Variants in ETS1 observed in about 807,000 individuals in gnomAD.
ETS1 encodes ETS proto-oncogene 1, transcription factor, also known as protein C-ets-1.
A neutral mutation model predicts 58.6 loss-of-function variants in ETS1; 15 were observed. The observed-to-expected ratio is 0.26, with a 90% CI of 0.17 to 0.39. The LOEUF is 0.39. Ranked by LOEUF, ETS1 falls within the 10% of genes least tolerant of loss-of-function variation. The pLI is 1.00. For missense variants in ETS1, 417 were observed against 610.5 expected (o/e 0.68, Z 3.34); for synonymous variants, 214 against 218.2 (o/e 0.98, Z 0.17).
chr11:128,491,974 G>A (rs948406950), intron 3 of ETS1, among the ~76,000 whole-genome samples: 4 of 152,198 alleles, frequency 2.6e-5, no homozygotes, highest in Non-Finnish European at 5.9e-5. Context: ...CATAAATACA[G>A]CTGAACGTAA....
chr11:128,586,669 G>T (rs1247414677), intron 1 of ETS1, among the ~76,000 whole-genome samples: 1 of 152,176 alleles, frequency 6.6e-6, no homozygotes, highest in South Asian at 2.1e-4. Context: ...TCCTGCAATA[G>T]AATGCATTGA....
At chr11:128,579,679 A>G (rs986438332) in intron 1 of ETS1, among the ~76,000 whole-genome samples, 1 of 150,988 alleles carries the variant, frequency 6.6e-6, no homozygotes, top group Non-Finnish European at 1.5e-5. Flanking sequence ...AAAAAAAAAG[A>G]ATTTGGTGTC....
chr11:128,534,891 G>T (rs193203807), intron 3 of ETS1, among the ~76,000 whole-genome samples: 27 of 152,144 alleles, frequency 1.8e-4, no homozygotes, highest in African/African-American at 5.8e-4. Flanking sequence ...GAACATACGC[G>T]TGCATGTTAT....
chr11:128,484,771 G>C, intron 7 of ETS1, 52 bp downstream of exon 7: 2 of 1,541,102 alleles, frequency 1.3e-6, no homozygotes, highest in Non-Finnish European at 1.8e-6. Context: ...AACTCACAAA[G>C]TCAGGTAATT....
At chr11:128,570,231 T>C (rs1287412405) in intron 2 of ETS1, among the ~76,000 whole-genome samples, 2 of 147,816 alleles carry the variant, frequency 1.4e-5, no homozygotes, top group African/African-American at 4.9e-5. Flanking sequence ...TCTTTCTTTT[T>C]CTTTTCCTTT....
At chr11:128,568,255 A>T (rs1235048586) in intron 2 of ETS1, among the ~76,000 whole-genome samples, 1 of 152,118 alleles carries the variant, frequency 6.6e-6, no homozygotes, top group Non-Finnish European at 1.5e-5. Context: ...CTTGCCGGTG[A>T]GACATCCCAG....
At position 128,585,158 on chromosome 11, in the gene ETS1, AAGAAAGAAAG is replaced by A. The variant is rs1275012291; in HGVS notation, c.-15+2320_-15+2329del. On this transcript the variant is annotated intron_variant, in intron 1 of 9. Transcript: ENST00000392668. ...AAGAAAAGAAAGAAAGAAAGAAAGA[AAGAAAGAAAG>A]AGAAAGAAAGAAAGAAAGAAGGAAG... is the stretch of plus-strand genomic sequence containing the variant. Among the ~76,000 whole-genome samples, 161 of 49,632 alleles carry A rather than the reference AAGAAAGAAAG, an allele frequency of 3.2e-3. 17 individuals are homozygous for A. Among genetic ancestry groups the A allele is most frequent in the African/African-American group, 7.6e-3 (71 of 9,364 alleles). The allele number at this position is 49,632 out of a possible 152,430, so 32.6% of individuals were successfully genotyped here. A position where few individuals can be genotyped will look rare whatever the true frequency, so the allele number is the denominator to read the frequency against.
intron 7 of ETS1, 31 bp from the exon 8 acceptor site, chr11:128,480,482 CA>C (rs1420228478): frequency 1.6e-5 from 24 of 1,522,944 alleles, no homozygotes; most frequent in East Asian, 6.8e-5. Flanking sequence ...AGGAAGAGGA[CA>C]GGGGGAGGAG....
At chr11:128,497,268 G>A (rs1862969111) in intron 3 of ETS1, among the ~76,000 whole-genome samples, 1 of 152,294 alleles carries the variant, frequency 6.6e-6, no homozygotes, top group East Asian at 1.9e-4. Flanking sequence ...ACAGTCACTA[G>A]GGAAAGCACG....
chr11:128,573,870 AACTTAAT>A (rs1864688758), intron 1 of ETS1, among the ~76,000 whole-genome samples: 1 of 152,216 alleles, frequency 6.6e-6, no homozygotes, highest in Non-Finnish European at 1.5e-5. Context: ...CACTTTCATA[AACTTAAT>A]ACTATGCATT....
At position 128,461,420 on chromosome 11, in the gene ETS1, T is replaced by A. The variant is rs1382360204; in HGVS notation, c.*941A>T. ...TCCAAAACCAGGGATGCAAAATACA[T>A]TCAGTTCAAAGACTTAATGCTTCTT... On this transcript the variant is annotated 3_prime_UTR_variant, in exon 10 of 10. Coordinates refer to ENST00000392668, the MANE Select transcript of ETS1 (RefSeq NM_001143820.2). The A allele has an allele frequency of 6.5e-6, 1 of 152,766 alleles. No homozygotes were observed. Among genetic ancestry groups the A allele is most frequent in the Non-Finnish European group, 1.5e-5 (1 of 68,048 alleles). 9.5% of individuals were successfully genotyped at this position (152,766 alleles called of 1,614,324 possible).
intron 8 of ETS1, among the ~76,000 whole-genome samples, chr11:128,471,837 T>C (rs80230373): frequency 0.019 from 2,889 of 152,322 alleles, 95 homozygotes; most frequent in African/African-American, 0.065. Flanking sequence ...AAGATTATAG[T>C]CTTTTCTCAG....
intron 2 of ETS1, among the ~76,000 whole-genome samples, chr11:128,558,189 A>G (rs1466606628): frequency 6.6e-6 from 1 of 152,194 alleles, no homozygotes; most frequent in East Asian, 1.9e-4. Context: ...TGGAAATGTC[A>G]CCAGTTGTGT....
intron 1 of ETS1, among the ~76,000 whole-genome samples, chr11:128,582,526 C>T (rs1003537792): frequency 1.3e-5 from 2 of 152,098 alleles, no homozygotes; most frequent in Non-Finnish European, 2.9e-5. Flanking sequence ...CTTTTTTCTA[C>T]TGCCCAACAT....
intron 3 of ETS1, among the ~76,000 whole-genome samples, chr11:128,515,605 G>A (rs1863502549): frequency 6.6e-6 from 1 of 152,108 alleles, no homozygotes; most frequent in Admixed American, 6.5e-5. Flanking sequence ...AACTCGGGTG[G>A]CCCTCATCTG....
intron 8 of ETS1, among the ~76,000 whole-genome samples, chr11:128,478,984 C>T (rs924267396): frequency 3.3e-5 from 5 of 152,170 alleles, no homozygotes; most frequent in African/African-American, 1.2e-4. Context: ...GTTGCTACTC[C>T]AACATGTAGA....
rs1036657399 is a variant in ETS1 at position 128,508,907 on chromosome 11, G to A, written c.215-18331C>T. 7.2e-5 allele frequency among the ~76,000 whole-genome samples: 11 copies of A among 152,056 alleles called. 1 individual carries two copies. The highest frequency in any genetic ancestry group is 6.2e-4 in the South Asian group (3 of 4,828). Reference sequence around the variant, plus strand: ...AAAAACACTGAAAATATTTTCTTACGAACCAAGGCAGTCGGGGGCAACTGA... The same window carrying A: ...AAAAACACTGAAAATATTTTCTTACAAACCAAGGCAGTCGGGGGCAACTGA... On this transcript the variant is annotated intron_variant, in intron 3 of 9. Transcript: ENST00000392668.
chr11:128,557,074 T>C (rs898870039), intron 2 of ETS1, among the ~76,000 whole-genome samples: 28 of 152,228 alleles, frequency 1.8e-4, no homozygotes, highest in African/African-American at 6.8e-4. Flanking sequence ...ATGTGCTGTG[T>C]GGAAGGTCAT....
At chr11:128,499,465 C>G (rs1863029110) in intron 3 of ETS1, among the ~76,000 whole-genome samples, 1 of 152,124 alleles carries the variant, frequency 6.6e-6, no homozygotes, top group African/African-American at 2.4e-5. Flanking sequence ...AACTGAGGCT[C>G]ACAAATGTTT....
Sources: allele counts gnomAD v4.1 joint callset (sites outside exome capture counted in the v4.1 genomes callset), GRCh38; gene constraint gnomAD v4.1.1; transcripts MANE v1.5; gene names NCBI Gene and HGNC (gene_info 2026-07-23, HGNC 2026-07-21).